Variants in POPDC1 observed in about 807,000 individuals in gnomAD.
The protein encoded by POPDC1 is popeye domain cAMP effector 1.
At chr6:105,108,731 T>G in the POPDC1 span, among the ~76,000 whole-genome samples, 1 of 152,214 alleles carries the variant, frequency 6.6e-6, no homozygotes. Flanking sequence ...AGTCATGACA[T>G]TGGAAACAGA....
the POPDC1 span, among the ~76,000 whole-genome samples, chr6:105,121,582 GTAA>G: frequency 6.6e-6 from 1 of 152,032 alleles, no homozygotes; most frequent in Non-Finnish European, 1.5e-5. Context: ...TTCATCTTTT[GTAA>G]TAATACTACT....
chr6:105,133,654 G>GT, the POPDC1 span: 1 of 1,099,740 alleles, frequency 9.1e-7, no homozygotes, highest in Non-Finnish European at 1.3e-6. Context: ...ACCTTCATAG[G>GT]TATTATACCA....
chr6:105,133,278 T>C, the POPDC1 span: 1 of 1,277,654 alleles, frequency 7.8e-7, no homozygotes, highest in Non-Finnish European at 1.1e-6. Flanking sequence ...AAGAATACTC[T>C]GAAGCTCTCA....
chr6:105,131,915 T>G, the POPDC1 span, among the ~76,000 whole-genome samples: 1 of 151,636 alleles, frequency 6.6e-6, no homozygotes, highest in Non-Finnish European at 1.5e-5. Context: ...GCCACAGAGG[T>G]CCCACAAGCT....
the POPDC1 span, chr6:105,100,466 T>TCAC: frequency 3.3e-5 from 5 of 150,800 alleles, no homozygotes; most frequent in African/African-American, 9.8e-5. Flanking sequence ...GCTGAGAATG[T>TCAC]GCCACTACAC....
At chr6:105,115,644 C>T in the POPDC1 span, 1 of 1,600,742 alleles carries the variant, frequency 6.2e-7, no homozygotes. Flanking sequence ...CCAGAGATAC[C>T]CATCAGAACT....
At chr6:105,109,022 G>A in the POPDC1 span, among the ~76,000 whole-genome samples, 2 of 152,182 alleles carry the variant, frequency 1.3e-5, no homozygotes, top group South Asian at 2.1e-4. Context: ...ATGCAGTGTC[G>A]TGATCTTGAC....
At chr6:105,119,959 C>T in the POPDC1 span, among the ~76,000 whole-genome samples, 1 of 151,200 alleles carries the variant, frequency 6.6e-6, no homozygotes, top group African/African-American at 2.4e-5. Flanking sequence ...ACTTACAGGC[C>T]CATAAAAACA....
chr6:105,109,448 C>T, the POPDC1 span, among the ~76,000 whole-genome samples: 15 of 152,040 alleles, frequency 9.9e-5, no homozygotes, highest in African/African-American at 3.4e-4. Flanking sequence ...ACTAAGTCCC[C>T]CTAGAGTTGG....
the POPDC1 span, chr6:105,125,561 T>C: frequency 6.8e-6 from 11 of 1,613,836 alleles, no homozygotes; most frequent in Middle Eastern, 1.7e-4. Flanking sequence ...TGCCACTGAG[T>C]TCCTTTTCAA....
chr6:105,134,737 A>G, the POPDC1 span, among the ~76,000 whole-genome samples: 1 of 152,308 alleles, frequency 6.6e-6, no homozygotes, highest in Non-Finnish European at 1.5e-5. Context: ...AAGCACACCA[A>G]TTTACAAATT....
At chr6:105,105,231 C>T in the POPDC1 span, among the ~76,000 whole-genome samples, 4 of 152,180 alleles carry the variant, frequency 2.6e-5, no homozygotes, top group Non-Finnish European at 5.9e-5. Flanking sequence ...GCTCTTTTTC[C>T]ACCTTGGTAG....
At chr6:105,104,579 C>T in the POPDC1 span, among the ~76,000 whole-genome samples, 1 of 152,132 alleles carries the variant, frequency 6.6e-6, no homozygotes, top group Non-Finnish European at 1.5e-5. Flanking sequence ...TGGGGCACCA[C>T]CAGCATTCCT....
the POPDC1 span, chr6:105,136,884 T>C: frequency 6.6e-6 from 1 of 152,218 alleles, no homozygotes; most frequent in South Asian, 2.1e-4. Flanking sequence ...CAACTTTCGC[T>C]TCCCGATTTA....
chr6:105,133,906 G>A, the POPDC1 span, among the ~76,000 whole-genome samples: 1 of 152,144 alleles, frequency 6.6e-6, no homozygotes, highest in African/African-American at 2.4e-5. Context: ...AGGGAGGAGT[G>A]AGGGAATTAG....
the POPDC1 span, among the ~76,000 whole-genome samples, chr6:105,103,927 T>C: frequency 6.6e-6 from 1 of 152,198 alleles, no homozygotes; most frequent in African/African-American, 2.4e-5. Flanking sequence ...AGCTTTTCTG[T>C]GAAAGAATTT....
chr6:105,115,878 C>T, the POPDC1 span: 2 of 1,589,404 alleles, frequency 1.3e-6, no homozygotes, highest in South Asian at 1.1e-5. Context: ...TTGAATCATA[C>T]ATTCCATTTA....
the POPDC1 span, among the ~76,000 whole-genome samples, chr6:105,135,021 T>C: frequency 1.3e-5 from 2 of 152,202 alleles, no homozygotes; most frequent in African/African-American, 2.4e-5. Context: ...GGACAGAGAA[T>C]GATATGAGGT....
At chr6:105,122,460 T>C in the POPDC1 span, among the ~76,000 whole-genome samples, 1 of 152,224 alleles carries the variant, frequency 6.6e-6, no homozygotes, top group Admixed American at 6.5e-5. Context: ...TCCTTTTTTG[T>C]TGACTTAATT....
Sources: gnomAD v4.1 joint callset for allele counts (sites outside exome capture counted in the v4.1 genomes callset) on GRCh38, gnomAD v4.1.1 for gene constraint, MANE v1.5 for transcripts, NCBI Gene and HGNC (gene_info 2026-07-23, HGNC 2026-07-21) for gene names.